CDH10: variants seen among roughly 807,000 people sequenced by gnomAD.
CDH10 encodes cadherin 10.
In CDH10, 30 loss-of-function variants were observed where a neutral mutation model predicts 73.1. The ratio of observed to expected loss-of-function variants is 0.41; its 90% confidence interval spans 0.31 to 0.56. CDH10 has a LOEUF of 0.56. Among genes scored for constraint, CDH10 ranks in the 20% least tolerant of loss-of-function variants. The pLI is 0.27. For synonymous variants in CDH10, 345 were observed against 348.2 expected (o/e 0.99, Z 0.10); for missense variants, 815 against 973.7 (o/e 0.84, Z 2.17).
chr5:24,501,782 T>C (rs184467969), intron 8 of CDH10, among the ~76,000 whole-genome samples: 157 of 152,326 alleles, frequency 1.0e-3, no homozygotes, highest in African/African-American at 3.5e-3. Flanking sequence ...GTCCACAGAA[T>C]GTATTGCAAT....
At chr5:24,592,963 G>C (rs1746250147) in intron 2 of CDH10, among the ~76,000 whole-genome samples, 1 of 150,934 alleles carries the variant, frequency 6.6e-6, no homozygotes, top group Non-Finnish European at 1.5e-5. Context: ...TTTACATATA[G>C]GTTTCTCACT....
chr5:24,635,872 A>AC, intron 1 of CDH10, among the ~76,000 whole-genome samples: 1 of 152,120 alleles, frequency 6.6e-6, no homozygotes, highest in South Asian at 2.1e-4. Flanking sequence ...TTTTCCAAAA[A>AC]TAAAATTCAG....
intron 8 of CDH10, among the ~76,000 whole-genome samples, chr5:24,504,559 T>G (rs13173389): frequency 0.41 from 51,844 of 127,172 alleles, 11,718 homozygotes; most frequent in Admixed American, 0.54. Flanking sequence ...GGAATCTCGC[T>G]CTGTCGCCCG....
chr5:24,587,111 T>C (rs940185494), intron 2 of CDH10, among the ~76,000 whole-genome samples: 1 of 152,142 alleles, frequency 6.6e-6, no homozygotes, highest in African/African-American at 2.4e-5. Flanking sequence ...CCCAACGTGC[T>C]GGGATTACAG....
At chr5:24,586,538 G>A (rs796574033) in intron 2 of CDH10, among the ~76,000 whole-genome samples, 16 of 145,396 alleles carry the variant, frequency 1.1e-4, no homozygotes, top group African/African-American at 3.5e-4. Context: ...CGCCTCCCGG[G>A]TTCAAGCGAT....
At position 24,488,115 on chromosome 5, in the gene CDH10, T is replaced by C; in HGVS notation, c.1915A>G (p.Lys639Glu). Residue 639 changes from lysine (K) to glutamate (E), a missense_variant, in exon 12 of 12, where the codon AAA (lysine) becomes GAA (glutamate). Lys to Glu is a moderately conservative substitution (Grantham distance 56). Coordinates refer to ENST00000264463, the MANE Select transcript of CDH10 (RefSeq NM_006727.5). ...VLFAALKRQR[K>E]KEPLILSKED... ...TTTGACAAGATCAGAGGCTCTTTTTTTCGCTGTCTTTTCAGAGCTGCAAAC... is the reference window on the plus strand; with the variant it reads ...TTTGACAAGATCAGAGGCTCTTTTTCTCGCTGTCTTTTCAGAGCTGCAAAC... 2 of 1,612,494 alleles carry C rather than the reference T, an allele frequency of 1.2e-6. No individual in the cohort carries two copies. The highest frequency in any genetic ancestry group is 1.7e-6 in the Non-Finnish European group (2 of 1,179,422).
chr5:24,498,354 TACAGTTAA>T, intron 9 of CDH10, 36 bp downstream of exon 9: 1 of 1,380,318 alleles, frequency 7.2e-7, no homozygotes, highest in Non-Finnish European at 1.0e-6. Flanking sequence ...ATATTTTGCA[TACAGTTAA>T]AATCTTTCCA....
At chr5:24,584,089 A>G (rs1745895692) in intron 2 of CDH10, among the ~76,000 whole-genome samples, 1 of 152,130 alleles carries the variant, frequency 6.6e-6, no homozygotes, top group South Asian at 2.1e-4. Context: ...TTTTTTCTTA[A>G]TTATAAATGA....
chr5:24,593,569 C>A lies in CDH10; in HGVS notation c.-79G>T. 1.4e-6 allele frequency: 1 copy of A among 727,768 alleles called. No individual in the cohort carries two copies. Among genetic ancestry groups the A allele is most frequent in the Non-Finnish European group, 2.4e-6 (1 of 423,402 alleles). 45.1% of individuals were successfully genotyped at this position (727,768 alleles called of 1,614,324 possible). ...CCCAGTTGGTTTTACTGTGTTTCAA[C>A]TGGTTTCCAACATTTCATCAATGTT... On this transcript the variant is annotated 5_prime_UTR_variant, in exon 2 of 12. Coordinates refer to ENST00000264463, the MANE Select transcript of CDH10 (RefSeq NM_006727.5).
At chr5:24,545,647 AT>A (rs200365693) in intron 2 of CDH10, among the ~76,000 whole-genome samples, 10 of 149,990 alleles carry the variant, frequency 6.7e-5, no homozygotes, top group African/African-American at 1.2e-4. Flanking sequence ...TCCTCTCTAC[AT>A]TTTTTTTTCT....
At chr5:24,643,584 TG>T (rs1748125961) in intron 1 of CDH10, among the ~76,000 whole-genome samples, 1 of 151,510 alleles carries the variant, frequency 6.6e-6, no homozygotes, top group African/African-American at 2.4e-5. Context: ...TGAGAAGTAA[TG>T]GATGTGCAGT....
rs191509480 is a variant in CDH10, at chr5:24,573,105, G to C, written c.231+20155C>G. On this transcript the variant is annotated intron_variant, in intron 2 of 11. Coordinates refer to ENST00000264463, the MANE Select transcript of CDH10 (RefSeq NM_006727.5). Reference sequence around the variant, plus strand: ...CTAACAAGACTCCAAATATTGATATGAGTTCATAGAAGATAGTGCAATAAA... The same window carrying C: ...CTAACAAGACTCCAAATATTGATATCAGTTCATAGAAGATAGTGCAATAAA... 3.4e-3 allele frequency among the ~76,000 whole-genome samples: 519 copies of C among 151,772 alleles called. 1 individual carries two copies. The highest frequency in any genetic ancestry group is 6.1e-3 in the Non-Finnish European group (412 of 67,916).
chr5:24,618,362 T>G (rs1046430122), intron 1 of CDH10, among the ~76,000 whole-genome samples: 4 of 152,166 alleles, frequency 2.6e-5, no homozygotes, highest in African/African-American at 4.8e-5. Context: ...GATTGCTGAG[T>G]GTTTCATTGC....
chr5:24,504,746 G>C (rs1180073707), intron 8 of CDH10, among the ~76,000 whole-genome samples: 2 of 151,556 alleles, frequency 1.3e-5, no homozygotes, highest in Non-Finnish European at 2.9e-5. Flanking sequence ...GGATGGTCTG[G>C]ATCTCCTGAC....
intron 5 of CDH10, among the ~76,000 whole-genome samples, chr5:24,518,649 C>T (rs543215182): frequency 1.3e-5 from 2 of 152,136 alleles, no homozygotes; most frequent in African/African-American, 4.8e-5. Flanking sequence ...TGCAGGTTTC[C>T]CTGCCTCCAA....
At chr5:24,501,148 T>A (rs1246401249) in intron 8 of CDH10, among the ~76,000 whole-genome samples, 2 of 152,154 alleles carry the variant, frequency 1.3e-5, no homozygotes, top group Non-Finnish European at 2.9e-5. Flanking sequence ...CCTTTCAATA[T>A]AAAGTCTTGA....
intron 1 of CDH10, among the ~76,000 whole-genome samples, chr5:24,630,871 CA>C (rs540921786): frequency 1.3e-4 from 19 of 149,346 alleles, no homozygotes; most frequent in South Asian, 1.1e-3. Flanking sequence ...TTTGTAATTG[CA>C]AAAAAAAATA....
chr5:24,631,021 C>T (rs1747686835), intron 1 of CDH10, among the ~76,000 whole-genome samples: 1 of 152,008 alleles, frequency 6.6e-6, no homozygotes, highest in South Asian at 2.1e-4. Context: ...AAACTCCTTC[C>T]TTGGTGGAAG....
At chr5:24,615,473 T>G (rs188984512) in intron 1 of CDH10, among the ~76,000 whole-genome samples, 1 of 152,318 alleles carries the variant, frequency 6.6e-6, no homozygotes, top group African/African-American at 2.4e-5. Flanking sequence ...AGGAAACTAG[T>G]TTTGATTGTT....
Sources: gnomAD v4.1 joint callset for allele counts (sites outside exome capture counted in the v4.1 genomes callset) on GRCh38, gnomAD v4.1.1 for gene constraint, MANE v1.5 for transcripts, NCBI Gene and HGNC (gene_info 2026-07-23, HGNC 2026-07-21) for gene names.